Variants in EVI5 observed in about 807,000 individuals in gnomAD.
EVI5 encodes the protein ecotropic viral integration site 5.
A neutral mutation model predicts 112.0 loss-of-function variants in EVI5; 73 were observed. The ratio of observed to expected loss-of-function variants is 0.65; its 90% CI spans 0.54 to 0.79. The LOEUF (loss-of-function observed/expected upper bound fraction) is 0.79. Among genes scored for constraint, EVI5 ranks in the 30% least tolerant of loss-of-function variants. EVI5 has a pLI of 0.00. For synonymous variants in EVI5, 305 were observed against 319.9 expected (o/e 0.95, Z 0.50); for missense variants, 900 against 968.8 (o/e 0.93, Z 0.94).
chr1:92,525,197 G>C (rs1207149713), intron 19 of EVI5, among the ~76,000 whole-genome samples: 1 of 151,274 alleles, frequency 6.6e-6, no homozygotes, highest in Non-Finnish European at 1.5e-5. Flanking sequence ...GTGCGTGTGT[G>C]GTAGGTTGCA....
chr1:92,537,751 C>T (rs1664126582), intron 19 of EVI5, among the ~76,000 whole-genome samples: 1 of 150,038 alleles, frequency 6.7e-6, no homozygotes. Flanking sequence ...CTTTATTACA[C>T]AGACAAGAGC....
At chr1:92,514,259 T>C (rs911410451) in intron 19 of EVI5, among the ~76,000 whole-genome samples, 3 of 152,156 alleles carry the variant, frequency 2.0e-5, no homozygotes, top group African/African-American at 7.2e-5. Flanking sequence ...GCTTAAGCGA[T>C]TCTCCCACCT....
chr1:92,725,721 TAA>T (rs35476776), intron 2 of EVI5, among the ~76,000 whole-genome samples: 368 of 146,344 alleles, frequency 2.5e-3, no homozygotes, highest in Admixed American at 3.4e-3. Flanking sequence ...AGATTTTGTT[TAA>T]AAAAAAAAAA....
chr1:92,711,306 C>G (rs1000468788), intron 2 of EVI5, among the ~76,000 whole-genome samples: 1 of 152,124 alleles, frequency 6.6e-6, no homozygotes, highest in African/African-American at 2.4e-5. Flanking sequence ...TATCTGAAAA[C>G]AGTTGATATT....
At chr1:92,557,085 T>C (rs1667784078) in intron 19 of EVI5, among the ~76,000 whole-genome samples, 2 of 152,302 alleles carry the variant, frequency 1.3e-5, no homozygotes, top group Admixed American at 1.3e-4. Flanking sequence ...TGACACATAA[T>C]TTAACTTAGA....
At chr1:92,590,485 C>T (rs566194978) in intron 18 of EVI5, among the ~76,000 whole-genome samples, 75 of 152,122 alleles carry the variant, frequency 4.9e-4, no homozygotes, top group Middle Eastern at 3.4e-3. Flanking sequence ...CCTCAGTAGC[C>T]GATTCGGTCA....
chr1:92,725,744 T>C (rs1394036724), intron 2 of EVI5, among the ~76,000 whole-genome samples: 2 of 147,866 alleles, frequency 1.4e-5, no homozygotes, highest in African/African-American at 5.0e-5. Flanking sequence ...AAATCGGGCA[T>C]GCAAAGCAGA....
intron 12 of EVI5, 113 bp downstream of exon 12, chr1:92,663,307 T>C: frequency 2.0e-6 from 1 of 490,164 alleles, no homozygotes; most frequent in Non-Finnish European, 3.5e-6. Flanking sequence ...AAATTATTTC[T>C]AGAAAAACGC....
Position 92,635,888 on chromosome 1 carries a change from A to C in EVI5, c.1527+314T>G, listed in dbSNP as rs544775135. 2.0e-5 allele frequency among the ~76,000 whole-genome samples: 3 copies of C among 152,154 alleles called. No individual in the cohort carries two copies. In the East Asian group the frequency reaches 5.8e-4, roughly 29 times the overall value. ...ATTGCAATATTTGATGATAACAGTTAATTTCTGTCACCTGAGTTTCTCTCT... is the reference window on the plus strand; with the variant it reads ...ATTGCAATATTTGATGATAACAGTTCATTTCTGTCACCTGAGTTTCTCTCT... On this transcript the variant is annotated intron_variant, in intron 14 of 19. Transcript: ENST00000684568.
intron 10 of EVI5, among the ~76,000 whole-genome samples, chr1:92,675,090 C>T (rs1666498031): frequency 6.6e-6 from 1 of 152,210 alleles, no homozygotes; most frequent in Admixed American, 6.5e-5. Flanking sequence ...TGCCTGTAAT[C>T]CCAGCGCTTT....
chr1:92,631,491 T>G (rs1211761622), intron 14 of EVI5, among the ~76,000 whole-genome samples: 1 of 152,214 alleles, frequency 6.6e-6, no homozygotes, highest in Admixed American at 6.5e-5. Context: ...TGTCTGTTAT[T>G]GGTGTATAAG....
chr1:92,750,104 A>T (rs1243283968), intron 1 of EVI5, among the ~76,000 whole-genome samples: 3 of 152,236 alleles, frequency 2.0e-5, no homozygotes, highest in Non-Finnish European at 2.9e-5. Flanking sequence ...AGAATTTTTT[A>T]AATGAGCAAG....
intron 1 of EVI5, among the ~76,000 whole-genome samples, chr1:92,746,894 CAAA>C (rs34342037): frequency 1.6e-4 from 20 of 128,224 alleles, no homozygotes; most frequent in Admixed American, 1.6e-4. Context: ...GACTCTGGTT[CAAA>C]AAAAAAAAAA....
intron 13 of EVI5, among the ~76,000 whole-genome samples, chr1:92,661,786 T>G (rs1488110088): frequency 6.6e-6 from 1 of 152,154 alleles, no homozygotes. Context: ...ACGATGCTGT[T>G]TCTTAATTTT....
chr1:92,594,893 T>C (rs926863494), intron 18 of EVI5, among the ~76,000 whole-genome samples: 6 of 151,944 alleles, frequency 3.9e-5, no homozygotes, highest in Admixed American at 6.6e-5. Flanking sequence ...GTTAGAATGG[T>C]GATCATTAAA....
chr1:92,661,384 T>C (rs972230488), intron 13 of EVI5, among the ~76,000 whole-genome samples: 5 of 152,074 alleles, frequency 3.3e-5, no homozygotes, highest in African/African-American at 9.7e-5. Context: ...TTCTATCCCT[T>C]TGATATACAT....
At chr1:92,749,726 T>A (rs374208183) in intron 1 of EVI5, among the ~76,000 whole-genome samples, 3 of 152,192 alleles carry the variant, frequency 2.0e-5, no homozygotes, top group Non-Finnish European at 4.4e-5. Flanking sequence ...TCCCTCCCCA[T>A]TTAGAGCACA....
chr1:92,772,888 A>G (rs1456484970), intron 1 of EVI5, among the ~76,000 whole-genome samples: 3 of 142,888 alleles, frequency 2.1e-5, no homozygotes, highest in Non-Finnish European at 3.0e-5. Context: ...CCTGGGCGAC[A>G]AGAGAGAAAC....
intron 16 of EVI5, among the ~76,000 whole-genome samples, chr1:92,612,713 A>AC (rs1652140136): frequency 1.6e-5 from 2 of 122,586 alleles, no homozygotes; most frequent in Admixed American, 8.3e-5. Context: ...CCATCTCAAA[A>AC]AAAAAAAAAA....
Sources: allele counts gnomAD v4.1 joint callset (sites outside exome capture counted in the v4.1 genomes callset), GRCh38; gene constraint gnomAD v4.1.1; transcripts MANE v1.5; gene names NCBI Gene and HGNC (gene_info 2026-07-23, HGNC 2026-07-21).